BANK1: variants seen among roughly 807,000 people sequenced by gnomAD.
The protein encoded by BANK1 is B-cell scaffold protein with ankyrin repeats.
In BANK1, 95 loss-of-function variants were observed where a neutral mutation model predicts 94.5. That is an observed-to-expected ratio of 1.00 (90% confidence interval 0.85 to 1.19). The LOEUF is 1.19. BANK1 is among the 50% of genes most tolerant of loss of function. The pLI, the probability that BANK1 is intolerant of heterozygous loss-of-function variation, is 0.00. For synonymous variants in BANK1, 334 were observed against 308.4 expected (o/e 1.08, Z -0.87); for missense variants, 987 against 932.2 (o/e 1.06, Z -0.77).
intron 7 of BANK1, chr4:101,972,731 A>G (rs991912298): frequency 9.2e-5 from 14 of 152,110 alleles, no homozygotes; most frequent in African/African-American, 2.4e-4. Context: ...AGCTCTTGTC[A>G]TAACTCATCT....
intron 7 of BANK1, among the ~76,000 whole-genome samples, chr4:101,936,337 A>G (rs1161491920): frequency 8.6e-5 from 13 of 150,418 alleles, no homozygotes; most frequent in African/African-American, 2.7e-4. Context: ...ATACATATAT[A>G]TGTACATATA....
At chr4:102,037,328 G>A (rs1410897453) in intron 10 of BANK1, among the ~76,000 whole-genome samples, 5 of 152,142 alleles carry the variant, frequency 3.3e-5, no homozygotes, top group Non-Finnish European at 7.4e-5. Context: ...ACTCTTACTT[G>A]GATTATTTCC....
intron 10 of BANK1, chr4:102,032,333 C>T (rs1191192126): frequency 6.6e-6 from 1 of 152,140 alleles, no homozygotes; most frequent in Non-Finnish European, 1.5e-5. Context: ...TCTTGTTCTC[C>T]AAGATCTCTG....
intron 7 of BANK1, among the ~76,000 whole-genome samples, chr4:101,922,513 G>A (rs1043115591): frequency 6.6e-6 from 1 of 151,764 alleles, no homozygotes; most frequent in Non-Finnish European, 1.5e-5. Flanking sequence ...CTCGTTGATG[G>A]TACAGAAGGT....
intron 1 of BANK1, among the ~76,000 whole-genome samples, chr4:101,794,641 A>T (rs1356256526): frequency 1.3e-5 from 2 of 152,128 alleles, no homozygotes; most frequent in Non-Finnish European, 2.9e-5. Flanking sequence ...ACATTGAAAT[A>T]GTCCCAGTGG....
chr4:101,822,879 T>C (rs1007450861), intron 1 of BANK1, among the ~76,000 whole-genome samples: 1 of 152,032 alleles, frequency 6.6e-6, no homozygotes, highest in Non-Finnish European at 1.5e-5. Context: ...CCTCCCAGAG[T>C]GCTGGGATTA....
intron 7 of BANK1, among the ~76,000 whole-genome samples, chr4:101,963,362 T>C (rs1238348932): frequency 6.6e-6 from 1 of 152,142 alleles, no homozygotes; most frequent in Non-Finnish European, 1.5e-5. Context: ...CAAAATGAAA[T>C]CTCTCCATTT....
chr4:101,952,778 A>G (rs1277268213), intron 7 of BANK1, among the ~76,000 whole-genome samples: 1 of 152,164 alleles, frequency 6.6e-6, no homozygotes, highest in Non-Finnish European at 1.5e-5. Flanking sequence ...ACTTTTTCAC[A>G]GTTAAGAAAT....
At chr4:101,955,412 A>G (rs1350840599) in intron 7 of BANK1, among the ~76,000 whole-genome samples, 1 of 152,122 alleles carries the variant, frequency 6.6e-6, no homozygotes, top group Non-Finnish European at 1.5e-5. Context: ...TTCATTTCCT[A>G]GTGCAGTTTA....
intron 2 of BANK1, among the ~76,000 whole-genome samples, chr4:101,831,051 T>C (rs1017290674): frequency 6.6e-6 from 1 of 152,198 alleles, no homozygotes; most frequent in Admixed American, 6.5e-5. Context: ...TGCATATAGA[T>C]TCTTACTGTT....
At chr4:102,024,243 C>T (rs543306293) in intron 8 of BANK1, among the ~76,000 whole-genome samples, 31 of 152,220 alleles carry the variant, frequency 2.0e-4, no homozygotes, top group African/African-American at 7.5e-4. Context: ...AGCTTAGCAA[C>T]ATTTTAATAC....
At chr4:102,025,823 C>T (rs1727072203) in intron 9 of BANK1, among the ~76,000 whole-genome samples, 1 of 151,938 alleles carries the variant, frequency 6.6e-6, no homozygotes, top group South Asian at 2.1e-4. Context: ...TATTACAAAG[C>T]TTTAAGAGAA....
intron 7 of BANK1, among the ~76,000 whole-genome samples, chr4:101,963,728 CA>C (rs1724649008): frequency 6.6e-6 from 1 of 152,108 alleles, no homozygotes; most frequent in African/African-American, 2.4e-5. Flanking sequence ...AAACAATTTT[CA>C]CTTCGAAAGA....
intron 1 of BANK1, among the ~76,000 whole-genome samples, chr4:101,823,770 A>G (rs866333386): frequency 6.6e-6 from 1 of 152,254 alleles, no homozygotes; most frequent in Middle Eastern, 3.2e-3. Context: ...AAAGTGGAAA[A>G]TTCTGAATTT....
chr4:102,057,221 GCT>G (rs374385213), intron 11 of BANK1, among the ~76,000 whole-genome samples: 60 of 143,870 alleles, frequency 4.2e-4, no homozygotes, highest in Admixed American at 6.2e-4. Context: ...ACTAGTTCTC[GCT>G]CTCTCTCTCT....
At chr4:102,050,802 T>C (rs1183034320) in intron 11 of BANK1, among the ~76,000 whole-genome samples, 1 of 125,904 alleles carries the variant, frequency 7.9e-6, no homozygotes, top group East Asian at 2.3e-4. Flanking sequence ...TAGAGTCAGG[T>C]TATGAAAAAA....
At chr4:101,891,432 T>A (rs557491292) in intron 5 of BANK1, among the ~76,000 whole-genome samples, 1 of 152,246 alleles carries the variant, frequency 6.6e-6, no homozygotes, top group East Asian at 1.9e-4. Context: ...GTATTTAGTT[T>A]CCAGAAGTTT....
intron 7 of BANK1, among the ~76,000 whole-genome samples, chr4:101,970,699 T>A (rs953944877): frequency 6.6e-6 from 1 of 151,988 alleles, no homozygotes; most frequent in Admixed American, 6.6e-5. Context: ...TTCCAGCCAG[T>A]CTCCACAGTC....
chr4:102,047,040 C>T (rs1228795020), intron 11 of BANK1, among the ~76,000 whole-genome samples: 1 of 152,142 alleles, frequency 6.6e-6, no homozygotes, highest in Non-Finnish European at 1.5e-5. Flanking sequence ...TTCACAGCAA[C>T]TACTAACCAC....
Sources: allele counts gnomAD v4.1 joint callset (sites outside exome capture counted in the v4.1 genomes callset), GRCh38; gene constraint gnomAD v4.1.1; transcripts MANE v1.5; gene names NCBI Gene and HGNC (gene_info 2026-07-23, HGNC 2026-07-21).